Variants in NDFIP1 observed in about 807,000 individuals in gnomAD.
The protein encoded by NDFIP1 is Nedd4 family interacting protein 1, also known as NEDD4 family-interacting protein 1.
NDFIP1 carries 7 observed loss-of-function variants against 28.8 expected under a neutral mutation model. The observed-to-expected ratio is 0.24, with a 90% CI of 0.14 to 0.46. NDFIP1 has a LOEUF of 0.46. Ranked by LOEUF, NDFIP1 falls within the 20% of genes least tolerant of loss-of-function variation. The probability of loss-of-function intolerance (pLI) is 0.99; values close to 1 mark genes in which losing one functional copy is unlikely to be tolerated. For missense variants in NDFIP1, 194 were observed against 269.1 expected, an observed-to-expected ratio of 0.72 and a Z score of 1.95; for synonymous variants, 92 against 101.0, an observed-to-expected ratio of 0.91 and a Z score of 0.53.
At chr5:142,145,485 A>AGGT (rs1216242488) in intron 7 of NDFIP1, among the ~76,000 whole-genome samples, 10 of 152,136 alleles carry the variant, frequency 6.6e-5, no homozygotes, top group Admixed American at 4.6e-4. Flanking sequence ...GACTGTGTTA[A>AGGT]TCATAGAGTG....
At chr5:142,144,451 A>G in intron 6 of NDFIP1, 120 bp from the exon 7 acceptor site, 1 of 720,368 alleles carries the variant, frequency 1.4e-6, no homozygotes, top group Non-Finnish European at 2.4e-6. Flanking sequence ...GAAATTGCTA[A>G]TGTTTTGATT....
intron 1 of NDFIP1, among the ~76,000 whole-genome samples, chr5:142,123,162 C>T (rs1343284939): frequency 6.6e-6 from 1 of 152,122 alleles, no homozygotes; most frequent in Non-Finnish European, 1.5e-5. Context: ...GGGGTTTCAC[C>T]ATGTTGGCCA....
chr5:142,108,996 C>T lies in NDFIP1; in HGVS notation c.22C>T (p.Leu8=). The T allele has an allele frequency of 6.9e-7, 1 of 1,445,070 alleles. No homozygotes were observed. The highest frequency in any genetic ancestry group is 9.1e-7 in the Non-Finnish European group (1 of 1,102,194). 89.5% of individuals were successfully genotyped at this position (1,445,070 alleles called of 1,614,324 possible). The change falls in exon 1 of 8, where the codon CTG becomes TTG. Residue 8 remains leucine (L), a synonymous_variant. Transcript: ENST00000253814. The part of the protein sequence containing the change: MALALAA[L]AAVEPACGSR... Reference sequence around the variant, plus strand: ...CGCCATGGCGTTGGCGTTGGCGGCGCTGGCGGCGGTCGAGCCGGCCTGCGG... The same window carrying T: ...CGCCATGGCGTTGGCGTTGGCGGCGTTGGCGGCGGTCGAGCCGGCCTGCGG...
intron 6 of NDFIP1, 85 bp from the exon 7 acceptor site, chr5:142,144,486 T>C (rs561966474): frequency 2.2e-6 from 2 of 928,604 alleles, no homozygotes; most frequent in African/African-American, 3.3e-5. Context: ...AATAACAATG[T>C]ATCGCTATCA....
chr5:142,116,488 C>T (rs1001963014), intron 1 of NDFIP1, among the ~76,000 whole-genome samples: 1 of 151,918 alleles, frequency 6.6e-6, no homozygotes, highest in Non-Finnish European at 1.5e-5. Context: ...CCTGCCTCAG[C>T]CTCTGGAGTA....
intron 3 of NDFIP1, among the ~76,000 whole-genome samples, chr5:142,133,705 G>A (rs1757247605): frequency 6.6e-6 from 1 of 152,186 alleles, no homozygotes; most frequent in South Asian, 2.1e-4. Flanking sequence ...AAGGGCTCTA[G>A]TATTCAGCAG....
At chr5:142,133,617 T>C (rs1757247003) in intron 3 of NDFIP1, among the ~76,000 whole-genome samples, 1 of 152,238 alleles carries the variant, frequency 6.6e-6, no homozygotes, top group African/African-American at 2.4e-5. Context: ...TAGATCAGTA[T>C]GGAAATTAGC....
chr5:142,152,351 A>G lies in NDFIP1; in HGVS notation c.*623A>G, dbSNP rs529289039. On this transcript the variant is annotated 3_prime_UTR_variant, in exon 8 of 8. Transcript: ENST00000253814. ...TAATTTTTTATAGCCTGTATTCACA[A>G]TTCTGCGGTACCTTATTGTACCTAA... 968 of 152,446 alleles carry G rather than the reference A, an allele frequency of 6.3e-3. 10 individuals carry two copies. Among genetic ancestry groups the G allele is most frequent in the Non-Finnish European group, 7.6e-3 (520 of 68,016 alleles). 9.4% of individuals were successfully genotyped at this position (152,446 alleles called of 1,614,324 possible). A position where few individuals can be genotyped will look rare whatever the true frequency, so the allele number is the denominator to read the frequency against.
At chr5:142,135,192 A>G (rs1757261714) in intron 3 of NDFIP1, among the ~76,000 whole-genome samples, 1 of 151,902 alleles carries the variant, frequency 6.6e-6, no homozygotes, top group African/African-American at 2.4e-5. Flanking sequence ...GTTAGCCAGG[A>G]TGGTCTCGAT....
chr5:142,124,433 A>G lies in NDFIP1; in HGVS notation c.64-7375A>G, dbSNP rs142199033. 3.7e-3 allele frequency among the ~76,000 whole-genome samples: 557 copies of G among 152,316 alleles called. 3 individuals are homozygous for G. Among genetic ancestry groups the G allele is most frequent in the African/African-American group, 0.011 (445 of 41,570 alleles). ...AAAATTGATGATCATAGGTCACAGT[A>G]TTTGTGCTTTCATTTCTAAGGACTC... On this transcript the variant is annotated intron_variant, in intron 1 of 7. Coordinates refer to ENST00000253814, the MANE Select transcript of NDFIP1 (RefSeq NM_030571.4).
intron 1 of NDFIP1, among the ~76,000 whole-genome samples, chr5:142,120,718 C>T (rs1757114822): frequency 6.6e-6 from 1 of 152,188 alleles, no homozygotes; most frequent in Admixed American, 6.5e-5. Flanking sequence ...TGTCCCCAGA[C>T]CCCACATCAG....
In NDFIP1 at chr5:142,152,871, A is replaced by G. The variant is rs1456419803; in HGVS notation, c.*1143A>G. 1 of 176,066 alleles carries G rather than the reference A, an allele frequency of 5.7e-6. No homozygotes were observed. The highest frequency in any genetic ancestry group is 2.4e-5 in the African/African-American group (1 of 41,622). The allele number at this position is 176,066 out of a possible 1,614,324, so 10.9% of individuals were successfully genotyped here. A position where few individuals can be genotyped will look rare whatever the true frequency, so the allele number is the denominator to read the frequency against. On this transcript the variant is annotated 3_prime_UTR_variant, in exon 8 of 8. Transcript: ENST00000253814. ...CTTAGGGAATCATTCAGTAGATGCG[A>G]TTAAAAAACTAATGTTGGGTCAATT...
chr5:142,147,147 C>T (rs1257084864), intron 7 of NDFIP1, among the ~76,000 whole-genome samples: 1 of 152,170 alleles, frequency 6.6e-6, no homozygotes, highest in Non-Finnish European at 1.5e-5. Context: ...TCATTCCTGA[C>T]ACACCCAGAG....
At chr5:142,124,825 G>T (rs1344653614) in intron 1 of NDFIP1, among the ~76,000 whole-genome samples, 1 of 113,002 alleles carries the variant, frequency 8.8e-6, no homozygotes, top group Non-Finnish European at 1.8e-5. Context: ...TGAGCAACTT[G>T]AAGATTTTTT....
intron 6 of NDFIP1, chr5:142,142,983 A>G (rs1460632878): frequency 7.1e-6 from 1 of 141,370 alleles, no homozygotes; most frequent in Non-Finnish European, 1.5e-5. Context: ...AAGAGTTTGG[A>G]TACACTTATG....
intron 7 of NDFIP1, among the ~76,000 whole-genome samples, chr5:142,148,133 A>G (rs1757408837): frequency 1.3e-5 from 2 of 152,248 alleles, no homozygotes; most frequent in Non-Finnish European, 2.9e-5. Context: ...TATACTTTCC[A>G]TATTGTACTA....
chr5:142,123,867 G>C (rs1377379408), intron 1 of NDFIP1, among the ~76,000 whole-genome samples: 1 of 152,120 alleles, frequency 6.6e-6, no homozygotes, highest in African/African-American at 2.4e-5. Flanking sequence ...AGCTAAGCCT[G>C]AATTTTCTTA....
At chr5:142,115,007 T>G (rs545149711) in intron 1 of NDFIP1, among the ~76,000 whole-genome samples, 1 of 152,352 alleles carries the variant, frequency 6.6e-6, no homozygotes, top group South Asian at 2.1e-4. Flanking sequence ...AATTTTGCTC[T>G]AAGCTGATGC....
At chr5:142,140,292 T>C (rs1757314333) in intron 5 of NDFIP1, among the ~76,000 whole-genome samples, 1 of 151,690 alleles carries the variant, frequency 6.6e-6, no homozygotes. Context: ...CTACTAAAAA[T>C]ATAAAGTTAG....
Sources: gnomAD v4.1 joint callset for allele counts (sites outside exome capture counted in the v4.1 genomes callset) on GRCh38, gnomAD v4.1.1 for gene constraint, MANE v1.5 for transcripts, NCBI Gene and HGNC (gene_info 2026-07-23, HGNC 2026-07-21) for gene names.